Variants in APBB2 observed in about 807,000 individuals in gnomAD.
APBB2 encodes the protein Fe65-like 1.
In APBB2, 38 loss-of-function variants were observed where a neutral mutation model predicts 82.5. The ratio of observed to expected loss-of-function variants is 0.46; its 90% CI spans 0.36 to 0.60. The LOEUF (loss-of-function observed/expected upper bound fraction) is 0.60. APBB2 is among the 20% of genes least tolerant of loss of function. The probability of loss-of-function intolerance (pLI) is 0.00; values close to 1 mark genes in which losing one functional copy is unlikely to be tolerated. For missense variants in APBB2, 772 were observed against 972.3 expected (o/e 0.79, Z 2.74); for synonymous variants, 341 against 368.2 (o/e 0.93, Z 0.85).
chr4:40,973,917 T>C (rs1796542531), intron 6 of APBB2, among the ~76,000 whole-genome samples: 1 of 151,608 alleles, frequency 6.6e-6, no homozygotes, highest in Admixed American at 6.6e-5. Flanking sequence ...AGTGGCGCGA[T>C]CTCGGCTCAC....
intron 12 of APBB2, among the ~76,000 whole-genome samples, chr4:40,860,007 C>T (rs563367077): frequency 1.4e-4 from 22 of 152,348 alleles, no homozygotes; most frequent in African/African-American, 5.1e-4. Context: ...GCATCCCAGG[C>T]TTTTCCTTCG....
chr4:40,932,860 A>C (rs1784547588), intron 10 of APBB2, among the ~76,000 whole-genome samples: 1 of 151,254 alleles, frequency 6.6e-6, no homozygotes, highest in Non-Finnish European at 1.5e-5. Context: ...GCTTGTTAAG[A>C]TGTTTTGTTT....
chr4:41,168,384 T>A (rs1025859174), intron 1 of APBB2, among the ~76,000 whole-genome samples: 6 of 151,988 alleles, frequency 3.9e-5, no homozygotes, highest in East Asian at 1.9e-4. Flanking sequence ...TTTATTTTTT[T>A]ATTTTTTTCC....
chr4:41,014,188 G>A lies in APBB2; in HGVS notation c.230C>T (p.Ala77Val), dbSNP rs377460632. The change falls in exon 6 of 18, where the codon GCG becomes GTG. Residue 77 changes from alanine (A) to valine (V), a missense_variant. Ala to Val is a moderately conservative substitution (Grantham distance 64). Transcript: ENST00000508593. ...AGCTGGATCCGAGAGGCCCATGGCC[G>A]CCTGGATGTTAGTTAGTGCATATTT... ...RKKYALTNIQ[A>V]AMGLSDPAAQ... 2.5e-5 allele frequency: 41 copies of A among 1,614,054 alleles called. No individual in the cohort carries two copies. The highest frequency in any genetic ancestry group is 3.2e-5 in the Non-Finnish European group (38 of 1,180,040).
chr4:40,859,043 T>G (rs1463275497), intron 12 of APBB2, among the ~76,000 whole-genome samples: 1 of 152,162 alleles, frequency 6.6e-6, no homozygotes, highest in African/African-American at 2.4e-5. Flanking sequence ...TCCTTACACA[T>G]CATTCCAGTG....
chr4:40,972,086 A>G, intron 6 of APBB2, among the ~76,000 whole-genome samples: 1 of 152,304 alleles, frequency 6.6e-6, no homozygotes, highest in Non-Finnish European at 1.5e-5. Flanking sequence ...ATTATAGACT[A>G]TTTTTACTGC....
intron 1 of APBB2, among the ~76,000 whole-genome samples, chr4:41,187,417 C>A (rs10024517): frequency 0.024 from 3,588 of 152,144 alleles, 72 homozygotes; most frequent in African/African-American, 0.054. Flanking sequence ...TAATATTATA[C>A]ACACAAACTT....
intron 12 of APBB2, among the ~76,000 whole-genome samples, chr4:40,864,091 T>G (rs144451054): frequency 6.6e-6 from 1 of 151,886 alleles, no homozygotes; most frequent in African/African-American, 2.4e-5. Context: ...ACCCCATCAC[T>G]ATGACAAATA....
intron 10 of APBB2, among the ~76,000 whole-genome samples, chr4:40,897,945 A>G (rs935009514): frequency 6.6e-6 from 1 of 152,100 alleles, no homozygotes; most frequent in African/African-American, 2.4e-5. Context: ...AAAGTTAACA[A>G]AAAAAAATCA....
chr4:41,144,016 A>C (rs890374114), intron 1 of APBB2, among the ~76,000 whole-genome samples: 5 of 152,274 alleles, frequency 3.3e-5, no homozygotes, highest in Non-Finnish European at 7.3e-5. Flanking sequence ...TCTGGCACAG[A>C]AAACTCAATG....
chr4:40,992,714 G>A (rs145386593), intron 6 of APBB2, among the ~76,000 whole-genome samples: 21 of 152,204 alleles, frequency 1.4e-4, no homozygotes, highest in African/African-American at 5.1e-4. Context: ...GGAGTATCAC[G>A]AGCAGAAGAC....
intron 1 of APBB2, among the ~76,000 whole-genome samples, chr4:41,212,703 AC>A (rs1779622939): frequency 1.3e-5 from 2 of 152,230 alleles, no homozygotes; most frequent in Admixed American, 1.3e-4. Flanking sequence ...GTCATACAGT[AC>A]ATGGACAACG....
At chr4:41,159,914 AGGAGGAGG>A (rs1560912284) in intron 1 of APBB2, among the ~76,000 whole-genome samples, 244 of 18,296 alleles carry the variant, frequency 0.013, 21 homozygotes, top group Admixed American at 0.026. Context: ...GAGAAGGAGG[AGGAGGAGG>A]AGGAGGAGGA....
intron 7 of APBB2, among the ~76,000 whole-genome samples, chr4:40,938,662 G>A (rs201690696): frequency 1.3e-5 from 2 of 152,168 alleles, no homozygotes; most frequent in Non-Finnish European, 2.9e-5. Flanking sequence ...AAATCTCTAC[G>A]AAGTGGTAGC....
At position 40,926,992 on chromosome 4, in the gene APBB2, GCTCT is replaced by G. The variant is rs547631469; in HGVS notation, c.1254+7460_1254+7463del. Among the ~76,000 whole-genome samples, 7 of 152,320 alleles carry G rather than the reference GCTCT, an allele frequency of 4.6e-5. No individual in the cohort carries two copies. The South Asian group carries it at 1.5e-3, about 32-fold the overall frequency. On this transcript the variant is annotated intron_variant, in intron 10 of 17. Coordinates refer to ENST00000508593, the MANE Select transcript of APBB2 (RefSeq NM_004307.2). Reference sequence around the variant, plus strand: ...AGAAGAGCCAGCCCTGGTTCATGGCGCTCTCTCTTTCCTTCTCCAGACTTAAATA... The same window carrying G: ...AGAAGAGCCAGCCCTGGTTCATGGCGCTCTTTCCTTCTCCAGACTTAAATA...
chr4:41,205,478 T>G (rs1777700079), intron 1 of APBB2, among the ~76,000 whole-genome samples: 1 of 152,020 alleles, frequency 6.6e-6, no homozygotes, highest in Non-Finnish European at 1.5e-5. Context: ...ATTAAGGGCA[T>G]AAATTTGGGT....
intron 10 of APBB2, among the ~76,000 whole-genome samples, chr4:40,916,051 T>C (rs1779756750): frequency 6.6e-6 from 1 of 152,118 alleles, no homozygotes; most frequent in African/African-American, 2.4e-5. Flanking sequence ...CAGTGTGTAA[T>C]GCAAAGGTGA....
chr4:41,080,628 G>A (rs1441553157), intron 3 of APBB2, among the ~76,000 whole-genome samples: 2 of 151,110 alleles, frequency 1.3e-5, no homozygotes, highest in Non-Finnish European at 2.9e-5. Flanking sequence ...CAATCCCTCA[G>A]TCACAAAAGT....
intron 5 of APBB2, among the ~76,000 whole-genome samples, chr4:41,026,265 G>A (rs1714162310): frequency 1.3e-5 from 2 of 152,186 alleles, no homozygotes; most frequent in South Asian, 4.1e-4. Context: ...GAAATAATCT[G>A]AACAACAAAG....
Sources: allele counts gnomAD v4.1 joint callset (sites outside exome capture counted in the v4.1 genomes callset), GRCh38; gene constraint gnomAD v4.1.1; transcripts MANE v1.5; gene names NCBI Gene and HGNC (gene_info 2026-07-23, HGNC 2026-07-21).